The following ARHGAP15 variants were observed in gnomAD, a reference collection of about 807,000 sequenced individuals.
ARHGAP15 encodes the protein Rho GTPase activating protein 15.
A neutral mutation model predicts 63.7 loss-of-function variants in ARHGAP15; 51 were observed. The ratio of observed to expected loss-of-function variants is 0.80; its 90% CI spans 0.64 to 1.01. The LOEUF is 1.01. ARHGAP15 is among the 50% of genes least tolerant of loss of function. The probability of loss-of-function intolerance (pLI) is 0.00; values close to 1 mark genes in which losing one functional copy is unlikely to be tolerated. For synonymous variants in ARHGAP15, 191 were observed against 193.8 expected (o/e 0.99, Z 0.12); for missense variants, 560 against 564.6 (o/e 0.99, Z 0.08).
chr2:143,510,887 A>G (rs1431583832), intron 9 of ARHGAP15, among the ~76,000 whole-genome samples: 1 of 152,190 alleles, frequency 6.6e-6, no homozygotes, highest in Non-Finnish European at 1.5e-5. Flanking sequence ...AAGCAGAGTC[A>G]CATCATTTTG....
intron 10 of ARHGAP15, among the ~76,000 whole-genome samples, chr2:143,538,799 T>A (rs1392966792): frequency 4.0e-5 from 6 of 151,542 alleles, no homozygotes; most frequent in African/African-American, 1.5e-4. Flanking sequence ...TTATTGAGGA[T>A]TTTTGCACCA....
rs371421592 is a variant in ARHGAP15 at position 143,631,747 on chromosome 2, A to T, written c.1138+7480A>T. On this transcript the variant is annotated intron_variant, in intron 12 of 13. Coordinates refer to ENST00000295095, the MANE Select transcript of ARHGAP15 (RefSeq NM_018460.4). ...ACTTGCCAATATTTTCACCCATTCT[A>T]TGGCTTTGTTTTCCTTCTTTTAACA... Among the ~76,000 whole-genome samples, 5 of 152,142 alleles carry T rather than the reference A, an allele frequency of 3.3e-5. No individual in the cohort carries two copies. The East Asian group carries it at 9.7e-4, about 29-fold the overall frequency.
intron 6 of ARHGAP15, among the ~76,000 whole-genome samples, chr2:143,292,089 GA>G (rs1558870895): frequency 7.1e-6 from 1 of 140,598 alleles, no homozygotes; most frequent in Non-Finnish European, 1.5e-5. Flanking sequence ...TAATAACAAT[GA>G]GTATAAATAA....
At chr2:143,471,490 G>A (rs1691574792) in intron 8 of ARHGAP15, among the ~76,000 whole-genome samples, 1 of 151,992 alleles carries the variant, frequency 6.6e-6, no homozygotes, top group Non-Finnish European at 1.5e-5. Flanking sequence ...ATACATATTA[G>A]ATAGTGATGT....
At chr2:143,463,243 A>AATAT (rs36057868) in intron 8 of ARHGAP15, among the ~76,000 whole-genome samples, 10 of 151,284 alleles carry the variant, frequency 6.6e-5, no homozygotes, top group East Asian at 3.9e-4. Context: ...ATATATCCAT[A>AATAT]ATATATATAT....
chr2:143,741,971 T>G (rs556692176), intron 13 of ARHGAP15, among the ~76,000 whole-genome samples: 40 of 152,264 alleles, frequency 2.6e-4, no homozygotes, highest in African/African-American at 9.6e-4. Context: ...AGCTAGAAAC[T>G]GATTGGTACC....
intron 1 of ARHGAP15, among the ~76,000 whole-genome samples, chr2:143,145,072 C>T (rs1426352809): frequency 1.3e-5 from 2 of 152,074 alleles, no homozygotes; most frequent in East Asian, 3.9e-4. Context: ...AAGCTCCACA[C>T]ATTGACCATT....
chr2:143,729,224 C>T (rs1431708223), intron 13 of ARHGAP15, among the ~76,000 whole-genome samples: 1 of 152,198 alleles, frequency 6.6e-6, no homozygotes, highest in African/African-American at 2.4e-5. Flanking sequence ...TTAGACCCTA[C>T]AGCTCAGAAA....
intron 4 of ARHGAP15, chr2:143,228,139 G>A (rs1046256737): frequency 6.6e-6 from 1 of 152,278 alleles, no homozygotes; most frequent in Admixed American, 6.5e-5. Context: ...TTTGAATTAA[G>A]CAATGACACA....
chr2:143,659,484 G>A (rs1184242827), intron 12 of ARHGAP15, among the ~76,000 whole-genome samples: 1 of 152,192 alleles, frequency 6.6e-6, no homozygotes, highest in African/African-American at 2.4e-5. Flanking sequence ...CAAGAAGAGT[G>A]TGTCTTTCAT....
chr2:143,656,550 ACTGT>A (rs779552661), intron 12 of ARHGAP15, among the ~76,000 whole-genome samples: 33 of 152,212 alleles, frequency 2.2e-4, no homozygotes, highest in Non-Finnish European at 4.3e-4. Context: ...AGATGAAAAG[ACTGT>A]CTGGGTAAAG....
rs1558898015 is a variant in ARHGAP15 at position 143,330,128 on chromosome 2, AAAACC to A, written c.474+79532_474+79536del. 4.7e-4 allele frequency among the ~76,000 whole-genome samples: 43 copies of A among 91,122 alleles called. 3 individuals carry two copies. Among genetic ancestry groups the A allele is most frequent in the Admixed American group, 6.6e-4 (5 of 7,596 alleles). The allele number at this position is 91,122 out of a possible 152,430, so 59.8% of individuals were successfully genotyped here. On this transcript the variant is annotated intron_variant, in intron 6 of 13. Coordinates refer to ENST00000295095, the MANE Select transcript of ARHGAP15 (RefSeq NM_018460.4). ...AAAAAAAAAAAAAAAAAAAAAAAAA[AAAACC>A]AAAAACAAAAAACTAAACTAATGAT...
chr2:143,429,277 A>C (rs1157047748), intron 6 of ARHGAP15, among the ~76,000 whole-genome samples: 1 of 150,154 alleles, frequency 6.7e-6, no homozygotes, highest in Non-Finnish European at 1.5e-5. Context: ...ATTTGTTAAT[A>C]AACAGAAAGT....
At chr2:143,139,117 T>C (rs1006349412) in intron 1 of ARHGAP15, among the ~76,000 whole-genome samples, 61 of 152,106 alleles carry the variant, frequency 4.0e-4, no homozygotes, top group African/African-American at 1.4e-3. Context: ...AAATTGTTCC[T>C]TATTTCTAAT....
At chr2:143,565,714 C>T (rs1473133185) in intron 11 of ARHGAP15, among the ~76,000 whole-genome samples, 1 of 152,158 alleles carries the variant, frequency 6.6e-6, no homozygotes, top group Non-Finnish European at 1.5e-5. Flanking sequence ...TACTGTCCCT[C>T]AACATGGTAT....
intron 6 of ARHGAP15, among the ~76,000 whole-genome samples, chr2:143,323,309 C>A (rs1231575418): frequency 6.6e-6 from 1 of 152,084 alleles, no homozygotes; most frequent in Admixed American, 6.6e-5. Flanking sequence ...GATTGCTCAC[C>A]AAAATCAGTG....
intron 9 of ARHGAP15, among the ~76,000 whole-genome samples, chr2:143,490,161 G>A (rs1056186947): frequency 9.9e-5 from 15 of 151,918 alleles, no homozygotes; most frequent in Non-Finnish European, 2.1e-4. Context: ...CACCACGCCC[G>A]GCTAATATTT....
At chr2:143,294,052 T>G (rs367856842) in intron 6 of ARHGAP15, among the ~76,000 whole-genome samples, 4 of 152,078 alleles carry the variant, frequency 2.6e-5, no homozygotes, top group East Asian at 1.9e-4. Flanking sequence ...TTTGTCATAA[T>G]GATAAATGAT....
intron 13 of ARHGAP15, among the ~76,000 whole-genome samples, chr2:143,756,810 A>T (rs1326274467): frequency 6.6e-6 from 1 of 152,200 alleles, no homozygotes; most frequent in African/African-American, 2.4e-5. Context: ...ATCTGTGCAG[A>T]TATATCCTTG....
Sources: allele counts gnomAD v4.1 joint callset (sites outside exome capture counted in the v4.1 genomes callset), GRCh38; gene constraint gnomAD v4.1.1; transcripts MANE v1.5; gene names NCBI Gene and HGNC (gene_info 2026-07-23, HGNC 2026-07-21).